The following CCDC192 variants were observed in gnomAD, a reference collection of about 807,000 sequenced individuals.
The protein encoded by CCDC192 is coiled-coil domain containing 192.
chr5:127,803,082 A>G lies in CCDC192; in HGVS notation c.411+4920A>G, dbSNP rs574301484. Among the ~76,000 whole-genome samples, 4 of 152,368 alleles carry G rather than the reference A, an allele frequency of 2.6e-5. No homozygotes were observed. In the East Asian group the frequency reaches 5.8e-4, roughly 22 times the overall value. ...AATAAAAAGAGTTTCTAAAGGAAACATGGTCTTAACATGAAAATTAACAAC... is the reference window on the plus strand; with the variant it reads ...AATAAAAAGAGTTTCTAAAGGAAACGTGGTCTTAACATGAAAATTAACAAC... On this transcript the variant is annotated intron_variant, in intron 5 of 6. Coordinates refer to ENST00000514853, the MANE Select transcript of CCDC192 (RefSeq NM_001317938.2).
At chr5:127,751,475 G>A (rs1380900435) in intron 2 of CCDC192, among the ~76,000 whole-genome samples, 20 of 152,168 alleles carry the variant, frequency 1.3e-4, no homozygotes, top group South Asian at 8.3e-4. Context: ...GGTTTCTGCC[G>A]AGAGATCCGC....
intron 2 of CCDC192, among the ~76,000 whole-genome samples, chr5:127,732,541 C>T (rs534165921): frequency 7.1e-4 from 108 of 152,252 alleles, no homozygotes; most frequent in Middle Eastern, 6.8e-3. Flanking sequence ...GATATATGCA[C>T]GCATATGTTC....
At chr5:127,842,556 T>A (rs890917081) in intron 5 of CCDC192, among the ~76,000 whole-genome samples, 2 of 152,242 alleles carry the variant, frequency 1.3e-5, no homozygotes, top group Admixed American at 6.5e-5. Context: ...GTACCTGGAC[T>A]TTTCATTTTG....
At chr5:127,864,126 T>A (rs1214456866) in intron 5 of CCDC192, among the ~76,000 whole-genome samples, 2 of 152,188 alleles carry the variant, frequency 1.3e-5, no homozygotes, top group African/African-American at 4.8e-5. Flanking sequence ...GATCAGAAAG[T>A]TTGAGTTCAA....
At chr5:127,923,839 CT>C (rs1256957479) in intron 6 of CCDC192, among the ~76,000 whole-genome samples, 1 of 152,192 alleles carries the variant, frequency 6.6e-6, no homozygotes, top group African/African-American at 2.4e-5. Context: ...CAAGACAGGA[CT>C]TTCTCTTCCA....
At chr5:127,795,015 G>A (rs1476520870) in intron 3 of CCDC192, among the ~76,000 whole-genome samples, 1 of 152,024 alleles carries the variant, frequency 6.6e-6, no homozygotes, top group South Asian at 2.1e-4. Context: ...TAAATAGGCC[G>A]GACACAGTGG....
chr5:127,742,728 G>T (rs144125345), intron 2 of CCDC192, among the ~76,000 whole-genome samples: 1 of 152,018 alleles, frequency 6.6e-6, no homozygotes, highest in Non-Finnish European at 1.5e-5. Flanking sequence ...ACCATCATTT[G>T]TTAAAGAAAT....
At position 127,870,177 on chromosome 5, in the gene CCDC192, T is replaced by TTCTGGA. The variant is rs562665582; in HGVS notation, c.412-5359_412-5354dup. Reference sequence around the variant, plus strand: ...GAATGGTCACAATAACAAGAATCAATTCTGGATACTCCAAGGAAAGATACT... The same window carrying TTCTGGA: ...GAATGGTCACAATAACAAGAATCAATTCTGGATCTGGATACTCCAAGGAAAGATACT... On this transcript the variant is annotated intron_variant, in intron 5 of 6. Coordinates refer to ENST00000514853, the MANE Select transcript of CCDC192 (RefSeq NM_001317938.2). Among the ~76,000 whole-genome samples the TTCTGGA allele has an allele frequency of 1.6e-3, 242 of 152,346 alleles. 1 individual carries two copies. Among genetic ancestry groups the TTCTGGA allele is most frequent in the African/African-American group, 5.6e-3 (233 of 41,580 alleles).
intron 5 of CCDC192, among the ~76,000 whole-genome samples, chr5:127,840,166 G>A (rs1349215938): frequency 6.6e-6 from 1 of 152,166 alleles, no homozygotes; most frequent in Non-Finnish European, 1.5e-5. Flanking sequence ...GGCTAGGAAT[G>A]AGAGCCACAA....
intron 2 of CCDC192, among the ~76,000 whole-genome samples, chr5:127,749,301 T>C (rs1753979368): frequency 1.3e-5 from 2 of 152,322 alleles, no homozygotes; most frequent in South Asian, 4.1e-4. Context: ...AGACCTAATT[T>C]ATTGAGAGTT....
chr5:127,926,563 G>A (rs1459822276), intron 6 of CCDC192, among the ~76,000 whole-genome samples: 2 of 152,068 alleles, frequency 1.3e-5, no homozygotes, highest in Non-Finnish European at 1.5e-5. Context: ...AAGGTATTTA[G>A]AAGTCTAAAT....
intron 2 of CCDC192, among the ~76,000 whole-genome samples, chr5:127,714,972 G>GT (rs35407058): frequency 0.74 from 111,543 of 149,858 alleles, 41,591 homozygotes; most frequent in East Asian, 0.83. Context: ...AAATTATTAG[G>GT]TTTTTTTTTT....
At chr5:127,918,001 G>A (rs972632158) in intron 6 of CCDC192, among the ~76,000 whole-genome samples, 2 of 152,132 alleles carry the variant, frequency 1.3e-5, no homozygotes, top group East Asian at 3.9e-4. Flanking sequence ...TGGGTGTGGC[G>A]ATAGGCACCT....
chr5:127,877,100 G>A (rs956665582), intron 6 of CCDC192, among the ~76,000 whole-genome samples: 16 of 152,266 alleles, frequency 1.1e-4, no homozygotes, highest in African/African-American at 2.4e-4. Context: ...GCTCGCTTAC[G>A]AGAAGCTTTC....
rs115876434 is a variant in CCDC192, at chr5:127,756,631, G to T, written c.222+2256G>T. ...TTATCCCCAGGAGCAATTTGGGGAGGTTCAGCCACAGGCTGCATGAACCCT... is the reference window on the plus strand; with the variant it reads ...TTATCCCCAGGAGCAATTTGGGGAGTTTCAGCCACAGGCTGCATGAACCCT... On this transcript the variant is annotated intron_variant, in intron 3 of 6. Coordinates refer to ENST00000514853, the MANE Select transcript of CCDC192 (RefSeq NM_001317938.2). 7.0e-3 allele frequency among the ~76,000 whole-genome samples: 1,071 copies of T among 152,334 alleles called. 15 individuals are homozygous for T. Among genetic ancestry groups the T allele is most frequent in the African/African-American group, 0.024 (1,012 of 41,570 alleles).
intron 3 of CCDC192, among the ~76,000 whole-genome samples, chr5:127,764,982 G>A (rs1038134891): frequency 6.6e-6 from 1 of 152,172 alleles, no homozygotes; most frequent in African/African-American, 2.4e-5. Flanking sequence ...CTCAGAAAGT[G>A]TTTAATGTTG....
chr5:127,731,512 C>A (rs138058292), intron 2 of CCDC192, among the ~76,000 whole-genome samples: 1 of 152,128 alleles, frequency 6.6e-6, no homozygotes, highest in Non-Finnish European at 1.5e-5. Flanking sequence ...CTAGAAAAAA[C>A]TACTTTAGAA....
chr5:127,789,747 A>G (rs969468386), intron 3 of CCDC192, among the ~76,000 whole-genome samples: 3 of 152,246 alleles, frequency 2.0e-5, no homozygotes, highest in East Asian at 1.9e-4. Context: ...TGATAAAGCT[A>G]TTCAATAGCC....
intron 6 of CCDC192, among the ~76,000 whole-genome samples, chr5:127,900,549 G>A (rs1753009859): frequency 6.6e-6 from 1 of 152,216 alleles, no homozygotes; most frequent in African/African-American, 2.4e-5. Context: ...AAAACAGGCT[G>A]TTGGTGTTTT....
Sources: allele counts gnomAD v4.1 joint callset (sites outside exome capture counted in the v4.1 genomes callset), GRCh38; gene constraint gnomAD v4.1.1; transcripts MANE v1.5; gene names NCBI Gene and HGNC (gene_info 2026-07-23, HGNC 2026-07-21).